Variants in TVP23B observed in about 807,000 individuals in gnomAD.
The protein encoded by TVP23B is Golgi apparatus membrane protein TVP23 homolog B.
TVP23B carries 10 observed loss-of-function variants against 30.6 expected under a neutral mutation model. That is an observed-to-expected ratio of 0.33 (90% CI 0.20 to 0.55). The LOEUF (loss-of-function observed/expected upper bound fraction) is 0.55, where lower values mean the gene tolerates loss of function less well. Among genes scored for constraint, TVP23B ranks in the 20% least tolerant of loss-of-function variants. The pLI is 0.91. For missense variants in TVP23B, 153 were observed against 243.2 expected, an observed-to-expected ratio of 0.63 and a Z score of 2.47; for synonymous variants, 67 against 83.1, an observed-to-expected ratio of 0.81 and a Z score of 1.06.
intron 1 of TVP23B, among the ~76,000 whole-genome samples, chr17:18,784,563 G>A (rs2035870626): frequency 2.0e-5 from 3 of 152,218 alleles, no homozygotes; most frequent in Admixed American, 2.0e-4. Context: ...ACGCAGGGGA[G>A]TCGCTTGAAC....
At position 18,805,807 on chromosome 17, in the gene TVP23B, A is replaced by G. The variant is rs1295536717; in HGVS notation, c.*240A>G. 2.2e-6 allele frequency: 3 copies of G among 1,382,144 alleles called. No homozygotes were observed. Among genetic ancestry groups the G allele is most frequent in the Non-Finnish European group, 2.8e-6 (3 of 1,068,620 alleles). The allele number at this position is 1,382,144 out of a possible 1,614,324, so 85.6% of individuals were successfully genotyped here. A position where few individuals can be genotyped will look rare whatever the true frequency, so the allele number is the denominator to read the frequency against. ...ATTGTCAAGATTTGTTCTGTGGTGT[A>G]GGTATGCACATTCCATAGGTATGCA... On this transcript the variant is annotated 3_prime_UTR_variant, in exon 7 of 7. Coordinates refer to ENST00000307767, the MANE Select transcript of TVP23B (RefSeq NM_016078.6).
intron 3 of TVP23B, among the ~76,000 whole-genome samples, chr17:18,792,458 G>C (rs1187214913): frequency 6.6e-6 from 1 of 152,188 alleles, no homozygotes; most frequent in African/African-American, 2.4e-5. Flanking sequence ...CTGTTGTCCA[G>C]TCTTCTTTGG....
chr17:18,781,492 C>G, intron 1 of TVP23B, 187 bp downstream of exon 1: 2 of 1,087,894 alleles, frequency 1.8e-6, no homozygotes, highest in Non-Finnish European at 2.5e-6. Context: ...CCGCTGGGGG[C>G]GGCGTGACCC....
rs2036240681 is a variant in TVP23B at position 18,805,670 on chromosome 17, T to C, written c.*103T>C. The stretch of plus-strand genomic sequence containing the variant: ...CATGTTGCAACGAGGAGTGTTGGCT[T>C]TGTTTTTCCACTTAAAAACTTTATT... On this transcript the variant is annotated 3_prime_UTR_variant, in exon 7 of 7. Transcript: ENST00000307767. 1 of 1,509,028 alleles carries C rather than the reference T, an allele frequency of 6.6e-7. No homozygotes were observed. The highest frequency in any genetic ancestry group is 8.9e-7 in the Non-Finnish European group (1 of 1,129,468). 93.5% of individuals were successfully genotyped at this position (1,509,028 alleles called of 1,614,324 possible).
chr17:18,792,055 C>T (rs1392495202), intron 3 of TVP23B, among the ~76,000 whole-genome samples: 8 of 151,056 alleles, frequency 5.3e-5, no homozygotes, highest in Non-Finnish European at 4.4e-5. Flanking sequence ...TTTTTTGAGA[C>T]GGAGTTTCAC....
rs2036238509 is a variant in TVP23B, at chr17:18,805,566, G to C, written c.617G>C (p.Ter206SerextTer25). The change falls in exon 7 of 7, where the codon TGA becomes TCA. Residue 206 changes from the stop codon to serine (S), a stop_lost. Coordinates refer to ENST00000307767, the MANE Select transcript of TVP23B (RefSeq NM_016078.6). ...RQNTGDDQTS[*>S] ...AACACTGGAGATGATCAGACTTCCT[G>C]AATAGAGAAAGCTTATGTGCTTTGT... is the stretch of plus-strand genomic sequence containing the variant. The C allele has an allele frequency of 1.2e-6, 2 of 1,605,978 alleles. No homozygotes were observed. Among genetic ancestry groups the C allele is most frequent in the Non-Finnish European group, 1.7e-6 (2 of 1,177,826 alleles).
At chr17:18,784,566 G>A (rs564049663) in intron 1 of TVP23B, among the ~76,000 whole-genome samples, 30 of 152,266 alleles carry the variant, frequency 2.0e-4, no homozygotes, top group Non-Finnish European at 3.8e-4. Flanking sequence ...CAGGGGAGTC[G>A]CTTGAACCCG....
chr17:18,782,995 A>G (rs2035831308), intron 1 of TVP23B, among the ~76,000 whole-genome samples: 1 of 149,972 alleles, frequency 6.7e-6, no homozygotes, highest in African/African-American at 2.5e-5. Context: ...GGAGTTGTTC[A>G]GGTTCACATG....
At chr17:18,794,830 C>G (rs1209467920) in intron 3 of TVP23B, among the ~76,000 whole-genome samples, 5 of 149,124 alleles carry the variant, frequency 3.4e-5, no homozygotes, top group Non-Finnish European at 7.4e-5. Flanking sequence ...TCATAAGACT[C>G]TTCCTTTTCT....
chr17:18,791,183 TGTAG>T, intron 3 of TVP23B, 143 bp downstream of exon 3: 5 of 459,806 alleles, frequency 1.1e-5, no homozygotes, highest in Non-Finnish European at 1.6e-5. Flanking sequence ...TCAAATTGCA[TGTAG>T]TTTTTTTTTT....
intron 5 of TVP23B, among the ~76,000 whole-genome samples, chr17:18,803,138 G>A (rs2151852558): frequency 6.6e-6 from 1 of 152,122 alleles, no homozygotes; most frequent in South Asian, 2.1e-4. Context: ...ATTTCATTGA[G>A]CTGCTTTGCT....
chr17:18,790,766 A>G (rs1047175852), intron 2 of TVP23B, 130 bp from the exon 3 acceptor site: 4 of 1,474,312 alleles, frequency 2.7e-6, no homozygotes, highest in Admixed American at 2.1e-5. Flanking sequence ...GCTTCATCCT[A>G]CTAAAGTCAC....
At chr17:18,784,145 A>AAAAC (rs113876902) in intron 1 of TVP23B, among the ~76,000 whole-genome samples, 56,388 of 150,836 alleles carry the variant, frequency 0.37, 10,427 homozygotes, top group East Asian at 0.58. Context: ...ACTCCGTCTC[A>AAAAC]AAACAAACAA....
intron 6 of TVP23B, chr17:18,804,668 A>C (rs2151853252): frequency 1.2e-6 from 1 of 842,348 alleles, no homozygotes; most frequent in East Asian, 9.4e-5. Flanking sequence ...GGCTCACTGC[A>C]ACCTCTGCCC....
intron 3 of TVP23B, among the ~76,000 whole-genome samples, chr17:18,793,595 CAAA>C (rs71155356): frequency 3.5e-5 from 3 of 86,868 alleles, no homozygotes; most frequent in Admixed American, 1.3e-4. Flanking sequence ...GACTCCATCT[CAAA>C]AAAAAAAAAA....
Position 18,797,631 on chromosome 17 carries a change from A to T in TVP23B, c.293A>T (p.Glu98Val), listed in dbSNP as rs750296616. Residue 98 changes from glutamate to valine, a missense_variant, in exon 4 of 7, where the codon GAA (glutamate) becomes GTA (valine). Transcript: ENST00000307767. ...CTACGTTGGTGGAATCACATTGATG[A>T]AGATGGAAAGAGCCATTGGGTGTTT... is the stretch of plus-strand genomic sequence containing the variant. ...VGLRWWNHID[E>V]DGKSHWVFES... 5.6e-6 allele frequency: 9 copies of T among 1,609,270 alleles called. No homozygotes were observed. Among genetic ancestry groups the T allele is most frequent in the Non-Finnish European group, 6.8e-6 (8 of 1,178,262 alleles).
At chr17:18,802,066 C>CA (rs1257762458) in intron 5 of TVP23B, among the ~76,000 whole-genome samples, 20 of 148,104 alleles carry the variant, frequency 1.4e-4, no homozygotes, top group Non-Finnish European at 1.9e-4. Flanking sequence ...ACTAAAAATA[C>CA]AAAAAATTAG....
chr17:18,799,064 A>G (rs1291728253), intron 5 of TVP23B, 121 bp downstream of exon 5: 24 of 1,237,210 alleles, frequency 1.9e-5, no homozygotes, highest in East Asian at 2.5e-5. Flanking sequence ...CAGCTTCATC[A>G]TGTAATTCCC....
rs1281050106 is a variant in TVP23B at position 18,781,364 on chromosome 17, C to A, written c.12+59C>A. 180 of 1,552,832 alleles carry A rather than the reference C, an allele frequency of 1.2e-4. No individual in the cohort carries two copies. The highest frequency in any genetic ancestry group is 2.3e-4 in the Middle Eastern group (1 of 4,386). On this transcript the variant is annotated intron_variant, in intron 1 of 6. Transcript: ENST00000307767. The stretch of plus-strand genomic sequence containing the variant: ...GCTCCTGGGACTGGCTCTGCAGGTT[C>A]CGTGGGACTGGAGCCCGCGTCCCCC...
Sources: gnomAD v4.1 joint callset for allele counts (sites outside exome capture counted in the v4.1 genomes callset) on GRCh38, gnomAD v4.1.1 for gene constraint, MANE v1.5 for transcripts, NCBI Gene and HGNC (gene_info 2026-07-23, HGNC 2026-07-21) for gene names.